MDFIC: variants seen among roughly 807,000 people sequenced by gnomAD.
MDFIC encodes the protein MyoD family inhibitor domain containing.
In MDFIC, 17 loss-of-function variants were observed where a neutral mutation model predicts 23.2. The ratio of observed to expected loss-of-function variants is 0.73; its 90% CI spans 0.50 to 1.10. The LOEUF (loss-of-function observed/expected upper bound fraction) is 1.10, where lower values mean the gene tolerates loss of function less well. Ranked by LOEUF, MDFIC falls within the 50% of genes least tolerant of loss-of-function variation. The pLI, the probability that MDFIC is intolerant of heterozygous loss-of-function variation, is 0.00. For missense variants in MDFIC, 356 were observed against 316.6 expected, an observed-to-expected ratio of 1.12 and a Z score of -0.95; for synonymous variants, 120 against 115.2, an observed-to-expected ratio of 1.04 and a Z score of -0.27.
intron 2 of MDFIC, 30 bp downstream of exon 2, chr7:114,923,157 C>A: frequency 6.5e-7 from 1 of 1,528,960 alleles, no homozygotes; most frequent in Non-Finnish European, 8.7e-7. Flanking sequence ...TGGCAAGCTT[C>A]TTTGTCATTG....
In MDFIC at chr7:115,017,499, C is replaced by A. The variant is rs1312183661; in HGVS notation, c.*1564C>A. 2.0e-5 allele frequency: 3 copies of A among 152,290 alleles called. No individual in the cohort carries two copies. The highest frequency in any genetic ancestry group is 4.8e-5 in the African/African-American group (2 of 41,412). 9.4% of individuals were successfully genotyped at this position (152,290 alleles called of 1,614,324 possible). ...TTTGTAAACACAGATAAATGGAAAC[C>A]ATTCTTTTCAATGCAGAAGAAATCT... is the stretch of plus-strand genomic sequence containing the variant. On this transcript the variant is annotated 3_prime_UTR_variant, in exon 5 of 5. Transcript: ENST00000393486.
At chr7:114,941,752 C>G (rs768682443) in intron 2 of MDFIC, among the ~76,000 whole-genome samples, 23 of 152,152 alleles carry the variant, frequency 1.5e-4, no homozygotes, top group Non-Finnish European at 2.4e-4. Flanking sequence ...CTAAATACCC[C>G]CTTCTCAGAG....
At chr7:115,012,310 G>A (rs1225620609) in intron 4 of MDFIC, among the ~76,000 whole-genome samples, 1 of 152,102 alleles carries the variant, frequency 6.6e-6, no homozygotes, top group Non-Finnish European at 1.5e-5. Flanking sequence ...AAACATGAAT[G>A]GCCAATGAAC....
rs1791852719 is a variant in MDFIC, at chr7:115,019,030, T to C, written c.*3095T>C. ...ACAAGTTTTTTTTTTTTACATCGTTTTAGTAAGTTAATTTCATTTATTTAC... is the reference window on the plus strand; with the variant it reads ...ACAAGTTTTTTTTTTTTACATCGTTCTAGTAAGTTAATTTCATTTATTTAC... On this transcript the variant is annotated 3_prime_UTR_variant, in exon 5 of 5. Coordinates refer to ENST00000393486, the MANE Select transcript of MDFIC (RefSeq NM_001166345.3). The C allele has an allele frequency of 2.0e-5, 3 of 151,986 alleles. No individual in the cohort carries two copies. The South Asian group carries it at 6.2e-4, about 31-fold the overall frequency. 9.4% of individuals were successfully genotyped at this position (151,986 alleles called of 1,614,324 possible).
At chr7:114,979,928 A>G (rs758691516) in intron 4 of MDFIC, 147 bp downstream of exon 4, 1 of 960,120 alleles carries the variant, frequency 1.0e-6, no homozygotes, top group South Asian at 1.4e-5. Flanking sequence ...TAACTTTCCC[A>G]AAGGAAAGCA....
intron 2 of MDFIC, chr7:114,923,502 C>T: frequency 6.5e-7 from 1 of 1,537,798 alleles, no homozygotes; most frequent in Non-Finnish European, 8.7e-7. Flanking sequence ...TCTGAACAAG[C>T]GTGCACTTAC....
In MDFIC at chr7:114,982,658, A is replaced by G. The variant is rs186369012; in HGVS notation, c.493+2877A>G. 9.2e-5 allele frequency among the ~76,000 whole-genome samples: 14 copies of G among 152,266 alleles called. No homozygotes were observed. The East Asian group carries it at 2.7e-3, about 29-fold the overall frequency. ...TACAGTGAGCTATGATTGTGCCACT[A>G]TATTCCAGCCTGGGTGACAGAGTGA... On this transcript the variant is annotated intron_variant, in intron 4 of 4. Coordinates refer to ENST00000393486, the MANE Select transcript of MDFIC (RefSeq NM_001166345.3).
intron 2 of MDFIC, among the ~76,000 whole-genome samples, chr7:114,930,106 G>T (rs1237598145): frequency 6.6e-6 from 1 of 152,142 alleles, no homozygotes; most frequent in African/African-American, 2.4e-5. Context: ...AGAATTAAAG[G>T]GATAGTCAAT....
chr7:114,936,463 A>G (rs1278330932), intron 2 of MDFIC, among the ~76,000 whole-genome samples: 1 of 152,184 alleles, frequency 6.6e-6, no homozygotes, highest in Non-Finnish European at 1.5e-5. Context: ...AATAGTTTGA[A>G]CAGTTGTCTT....
chr7:114,970,870 G>A (rs562302981), intron 3 of MDFIC, among the ~76,000 whole-genome samples: 1 of 152,284 alleles, frequency 6.6e-6, no homozygotes, highest in East Asian at 1.9e-4. Flanking sequence ...TGTGTGAATT[G>A]CATAAAGGCA....
intron 4 of MDFIC, 59 bp from the exon 5 acceptor site, chr7:115,015,629 A>C (rs1253232355): frequency 5.7e-6 from 9 of 1,572,096 alleles, no homozygotes; most frequent in Non-Finnish European, 7.8e-6. Context: ...AATTGATAAC[A>C]CGTATTTTGT....
At chr7:115,001,438 C>A (rs1183714943) in intron 4 of MDFIC, among the ~76,000 whole-genome samples, 1 of 151,970 alleles carries the variant, frequency 6.6e-6, no homozygotes, top group Non-Finnish European at 1.5e-5. Context: ...TATTTTTTTC[C>A]TAATAATTAT....
intron 4 of MDFIC, among the ~76,000 whole-genome samples, chr7:114,993,451 C>A (rs888385930): frequency 3.9e-5 from 6 of 152,100 alleles, no homozygotes; most frequent in East Asian, 3.9e-4. Context: ...GTTAGGGTGT[C>A]AATTTAAATC....
chr7:115,018,151 T>TATAAGGAAATCTTTATACTATTTA lies in MDFIC; in HGVS notation c.*2239_*2240insAATAAGGAAATCTTTATACTATTT, dbSNP rs1216630506. ...AACTTAATTCATTTGTTACATAAAATATAAGGAAATCTTTATACTATTTTA... is the reference window on the plus strand; with the variant it reads ...AACTTAATTCATTTGTTACATAAAATATAAGGAAATCTTTATACTATTTAATAAGGAAATCTTTATACTATTTTA... On this transcript the variant is annotated 3_prime_UTR_variant, in exon 5 of 5. Transcript: ENST00000393486. 1 of 151,968 alleles carries TATAAGGAAATCTTTATACTATTTA rather than the reference T, an allele frequency of 6.6e-6. No homozygotes were observed. Among genetic ancestry groups the TATAAGGAAATCTTTATACTATTTA allele is most frequent in the Non-Finnish European group, 1.5e-5 (1 of 67,848 alleles). 9.4% of individuals were successfully genotyped at this position (151,968 alleles called of 1,614,324 possible).
At chr7:114,940,573 C>T (rs1480793019) in intron 2 of MDFIC, among the ~76,000 whole-genome samples, 1 of 152,126 alleles carries the variant, frequency 6.6e-6, no homozygotes, top group Non-Finnish European at 1.5e-5. Flanking sequence ...TTTCAGTGAG[C>T]TCATTAATTT....
chr7:114,999,250 TTA>T (rs1272075949), intron 4 of MDFIC, among the ~76,000 whole-genome samples: 1 of 152,158 alleles, frequency 6.6e-6, no homozygotes, highest in Non-Finnish European at 1.5e-5. Flanking sequence ...TATTCTTAGC[TTA>T]TATGTTTGTG....
intron 2 of MDFIC, chr7:114,923,395 C>G: frequency 6.8e-7 from 1 of 1,460,934 alleles, no homozygotes; most frequent in Non-Finnish European, 9.3e-7. Context: ...TTGCTTCTTT[C>G]TTAAGCATAT....
Position 114,922,612 on chromosome 7 carries a change from G to A in MDFIC, c.-132G>A, listed in dbSNP as rs867296862. On this transcript the variant is annotated 5_prime_UTR_variant, in exon 1 of 5. Transcript: ENST00000393486. ...GAGGAGGAGGAGGAGGAAGGGGCTT[G>A]GAGCGACTACGGGGGGATGCGGAGG... 1.6e-6 allele frequency: 2 copies of A among 1,282,694 alleles called. No homozygotes were observed. The highest frequency in any genetic ancestry group is 3.0e-5 in the South Asian group (1 of 32,860). The allele number at this position is 1,282,694 out of a possible 1,614,324, so 79.5% of individuals were successfully genotyped here. A position where few individuals can be genotyped will look rare whatever the true frequency, so the allele number is the denominator to read the frequency against.
intron 4 of MDFIC, among the ~76,000 whole-genome samples, chr7:114,989,773 C>T (rs546700778): frequency 5.6e-4 from 85 of 152,242 alleles, no homozygotes; most frequent in African/African-American, 1.9e-3. Context: ...GGACACGTAA[C>T]CTTTGGTGAC....
Sources: allele counts gnomAD v4.1 joint callset (sites outside exome capture counted in the v4.1 genomes callset), GRCh38; gene constraint gnomAD v4.1.1; transcripts MANE v1.5; gene names NCBI Gene and HGNC (gene_info 2026-07-23, HGNC 2026-07-21).